The following DPP6 variants were observed in gnomAD, a reference collection of about 807,000 sequenced individuals.
The protein encoded by DPP6 is dipeptidyl peptidase like 6, also known as A-type potassium channel modulatory protein DPP6.
Under a neutral mutation model 122.6 loss-of-function variants are expected in DPP6, and 69 were observed. That is an observed-to-expected ratio of 0.56 (90% CI 0.46 to 0.69). DPP6 has a LOEUF of 0.69. DPP6 is among the 30% of genes least tolerant of loss of function. DPP6 has a pLI of 0.00. For synonymous variants in DPP6, 418 were observed against 433.1 expected (o/e 0.97, Z 0.43); for missense variants, 928 against 1,116.9 (o/e 0.83, Z 2.41).
the DPP6 span, among the ~76,000 whole-genome samples, chr7:153,781,555 G>A: frequency 2.6e-5 from 4 of 152,152 alleles, no homozygotes; most frequent in Admixed American, 2.0e-4. Flanking sequence ...GAGATGTCAG[G>A]CATAGGAGAA....
the DPP6 span, among the ~76,000 whole-genome samples, chr7:153,857,114 T>A: frequency 6.6e-6 from 1 of 152,184 alleles, no homozygotes; most frequent in Admixed American, 6.5e-5. Context: ...CTTTTTTCTA[T>A]GACAAAGAAA....
chr7:154,763,273 A>C (rs1795675375), intron 8 of DPP6, among the ~76,000 whole-genome samples: 1 of 152,066 alleles, frequency 6.6e-6, no homozygotes, highest in African/African-American at 2.4e-5. Context: ...CAGAGGTTGC[A>C]GTGAGCCGAG....
chr7:153,943,620 T>G (rs1207966356), intron 1 of DPP6, among the ~76,000 whole-genome samples: 1 of 152,122 alleles, frequency 6.6e-6, no homozygotes, highest in African/African-American at 2.4e-5. Context: ...CCAGTGTCAA[T>G]CTCAGTTGCA....
intron 1 of DPP6, among the ~76,000 whole-genome samples, chr7:154,062,067 C>A (rs1295381836): frequency 1.7e-5 from 2 of 114,646 alleles, no homozygotes; most frequent in African/African-American, 6.4e-5. Flanking sequence ...GCCCCTGGTT[C>A]CCCCACTGGC....
chr7:154,499,442 A>G (rs1366193768), intron 3 of DPP6, among the ~76,000 whole-genome samples: 1 of 152,024 alleles, frequency 6.6e-6, no homozygotes, highest in Non-Finnish European at 1.5e-5. Context: ...GCCTGCAGTC[A>G]CTCCAAATTG....
Position 154,476,379 on chromosome 7 carries a change from T to C in DPP6, c.457+1342T>C, listed in dbSNP as rs182083850. Among the ~76,000 whole-genome samples the C allele has an allele frequency of 5.3e-5, 8 of 152,358 alleles. No homozygotes were observed. The East Asian group carries it at 1.5e-3, about 29-fold the overall frequency. The stretch of plus-strand genomic sequence containing the variant: ...TTGCCTTTGTTTTCGGCTGACCTGC[T>C]GAAATGTTCGTGTTCGTGTTCACTG... On this transcript the variant is annotated intron_variant, in intron 3 of 25. Transcript: ENST00000377770.
At chr7:154,081,993 A>C (rs1372346057) in intron 1 of DPP6, among the ~76,000 whole-genome samples, 5 of 152,102 alleles carry the variant, frequency 3.3e-5, no homozygotes, top group African/African-American at 1.2e-4. Flanking sequence ...AACTTGAGTG[A>C]CCTTTCTCTT....
chr7:154,074,753 G>A (rs1282944298), intron 1 of DPP6, among the ~76,000 whole-genome samples: 3 of 152,072 alleles, frequency 2.0e-5, no homozygotes, highest in South Asian at 4.2e-4. Context: ...AAGAACCAGG[G>A]CAGGGAGGAT....
chr7:154,533,447 C>A (rs940023978), intron 3 of DPP6, among the ~76,000 whole-genome samples: 1 of 152,130 alleles, frequency 6.6e-6, no homozygotes, highest in African/African-American at 2.4e-5. Context: ...TAATTTAAAG[C>A]CTTCTCACAA....
chr7:154,853,969 C>T (rs984881595), intron 17 of DPP6, 142 bp downstream of exon 17: 8 of 1,147,610 alleles, frequency 7.0e-6, no homozygotes, highest in African/African-American at 4.6e-5. Context: ...ATAGGCCATG[C>T]TGATCACCAA....
intron 1 of DPP6, among the ~76,000 whole-genome samples, chr7:154,023,318 G>GCATGCGCACACACACACACACA (rs71534479): frequency 7.7e-6 from 1 of 129,528 alleles, no homozygotes; most frequent in African/African-American, 3.2e-5. Context: ...TTTCTTGTCT[G>GCATGCGCACACACACACACACA]CACACACACA....
At chr7:154,090,299 A>G (rs1477349249) in intron 1 of DPP6, among the ~76,000 whole-genome samples, 13 of 152,320 alleles carry the variant, frequency 8.5e-5, no homozygotes, top group Admixed American at 3.3e-4. Flanking sequence ...AAATTCACAC[A>G]ATGAGCCAAC....
At chr7:154,114,026 A>T (rs1806798266) in intron 1 of DPP6, among the ~76,000 whole-genome samples, 1 of 151,944 alleles carries the variant, frequency 6.6e-6, no homozygotes, top group Non-Finnish European at 1.5e-5. Context: ...AAAAAGATAA[A>T]ATTATTTCTA....
chr7:154,721,703 C>T lies in DPP6; in HGVS notation c.763-6064C>T, dbSNP rs149701159. Among the ~76,000 whole-genome samples the T allele has an allele frequency of 1.8e-4, 27 of 152,314 alleles. No homozygotes were observed. In the East Asian group the frequency reaches 5.0e-3, roughly 28 times the overall value. ...CATTAATCCTTAACATTCTAGCTCA[C>T]ATGACACCTCCTCTGAAGCCTGTTC... is the stretch of plus-strand genomic sequence containing the variant. On this transcript the variant is annotated intron_variant, in intron 7 of 25. Coordinates refer to ENST00000377770, the MANE Select transcript of DPP6 (RefSeq NM_130797.4).
chr7:154,488,817 C>G (rs373540308), intron 3 of DPP6, among the ~76,000 whole-genome samples: 128 of 152,220 alleles, frequency 8.4e-4, no homozygotes, highest in South Asian at 2.9e-3. Flanking sequence ...TGATATCATC[C>G]TGGTCTCTTT....
At position 154,036,741 on chromosome 7, in the gene DPP6, C is replaced by T. The variant is rs532322143; in HGVS notation, c.51+149007C>T. Among the ~76,000 whole-genome samples, 37 of 151,952 alleles carry T rather than the reference C, an allele frequency of 2.4e-4. 1 individual carries two copies. In the East Asian group the frequency reaches 5.1e-3, roughly 21 times the overall value. ...AAGTGGGATTTCCAAGCAAAACTGC[C>T]GCTTTGGTAGTCACTTGCCATACTT... On this transcript the variant is annotated intron_variant, in intron 1 of 25. Coordinates refer to the DPP6 transcript ENST00000404039.
chr7:154,741,463 A>G (rs1223067389), intron 8 of DPP6, among the ~76,000 whole-genome samples: 1 of 152,224 alleles, frequency 6.6e-6, no homozygotes, highest in Admixed American at 6.5e-5. Context: ...GAAACACCCA[A>G]AGAAGAGAGC....
chr7:153,909,740 T>A (rs1189530296), intron 1 of DPP6, among the ~76,000 whole-genome samples: 1 of 152,192 alleles, frequency 6.6e-6, no homozygotes, highest in African/African-American at 2.4e-5. Context: ...CCCAGTCACT[T>A]GGTGAACAGC....
intron 1 of DPP6, among the ~76,000 whole-genome samples, chr7:153,979,036 C>A (rs554138522): frequency 6.6e-6 from 1 of 151,762 alleles, no homozygotes; most frequent in Non-Finnish European, 1.5e-5. Flanking sequence ...GCTCTTTTTT[C>A]GGTTCCATAT....
Sources: gnomAD v4.1 joint callset for allele counts (sites outside exome capture counted in the v4.1 genomes callset) on GRCh38, gnomAD v4.1.1 for gene constraint, MANE v1.5 for transcripts, NCBI Gene and HGNC (gene_info 2026-07-23, HGNC 2026-07-21) for gene names.